GPC6: variants seen among roughly 807,000 people sequenced by gnomAD.
GPC6 encodes the protein glypican-6.
Under a neutral mutation model 55.2 loss-of-function variants are expected in GPC6, and 14 were observed. The ratio of observed to expected loss-of-function variants is 0.25; its 90% CI spans 0.17 to 0.40. GPC6 has a LOEUF of 0.40. GPC6 is among the 10% of genes least tolerant of loss of function. The pLI, the probability that GPC6 is intolerant of heterozygous loss-of-function variation, is 1.00. For missense variants in GPC6, 641 were observed against 708.5 expected (o/e 0.90, Z 1.08); for synonymous variants, 278 against 259.6 (o/e 1.07, Z -0.68).
intron 3 of GPC6, among the ~76,000 whole-genome samples, chr13:93,965,639 C>T (rs1050205481): frequency 3.9e-5 from 6 of 152,080 alleles, no homozygotes; most frequent in African/African-American, 1.4e-4. Context: ...ACTGAACTAG[C>T]CTGCTGGAGA....
intron 2 of GPC6, among the ~76,000 whole-genome samples, chr13:93,654,596 G>T (rs974655016): frequency 2.0e-5 from 3 of 152,070 alleles, no homozygotes; most frequent in African/African-American, 4.8e-5. Flanking sequence ...TCAAAGTGCT[G>T]GGATTACAAA....
At chr13:94,332,783 G>C in intron 6 of GPC6, among the ~76,000 whole-genome samples, 1 of 152,210 alleles carries the variant, frequency 6.6e-6, no homozygotes, top group Non-Finnish European at 1.5e-5. Context: ...TCACTGAATT[G>C]ACCAGTAATG....
chr13:93,635,898 C>T (rs143619768), intron 2 of GPC6, among the ~76,000 whole-genome samples: 1 of 152,206 alleles, frequency 6.6e-6, no homozygotes, highest in Admixed American at 6.6e-5. Flanking sequence ...AAAGAGGTTG[C>T]CCTTTCTCCA....
chr13:93,765,822 C>T (rs1885114709), intron 2 of GPC6, among the ~76,000 whole-genome samples: 1 of 152,180 alleles, frequency 6.6e-6, no homozygotes. Flanking sequence ...TGGGCCTGTG[C>T]CTCCAAGAAT....
At chr13:93,818,674 A>C (rs1270017331) in intron 2 of GPC6, 1 of 152,290 alleles carries the variant, frequency 6.6e-6, no homozygotes, top group East Asian at 1.9e-4. Context: ...AGAAAGGAAA[A>C]GATACCAGCA....
intron 3 of GPC6, among the ~76,000 whole-genome samples, chr13:93,967,336 C>A (rs1880094360): frequency 6.6e-6 from 1 of 152,064 alleles, no homozygotes; most frequent in Admixed American, 6.6e-5. Context: ...GTATTTGCCA[C>A]GATGTACAAA....
intron 4 of GPC6, among the ~76,000 whole-genome samples, chr13:94,131,589 C>T (rs965753925): frequency 6.6e-6 from 1 of 152,096 alleles, no homozygotes. Flanking sequence ...AATATGTAAT[C>T]TTAATGGGTC....
chr13:93,686,435 A>T (rs1040448973), intron 2 of GPC6, among the ~76,000 whole-genome samples: 6 of 152,088 alleles, frequency 3.9e-5, no homozygotes, highest in Admixed American at 3.9e-4. Flanking sequence ...AGTCTCTGTG[A>T]TCCCATTGGA....
intron 3 of GPC6, among the ~76,000 whole-genome samples, chr13:93,842,491 G>C (rs1887989434): frequency 6.6e-6 from 1 of 151,960 alleles, no homozygotes; most frequent in Non-Finnish European, 1.5e-5. Context: ...TTTTTTTTCA[G>C]TGTTAGTGTG....
At chr13:93,244,846 T>G (rs376643692) in intron 1 of GPC6, among the ~76,000 whole-genome samples, 2 of 152,194 alleles carry the variant, frequency 1.3e-5, no homozygotes, top group Non-Finnish European at 2.9e-5. Context: ...TAGATAAAAG[T>G]GCACAGCGTG....
intron 2 of GPC6, among the ~76,000 whole-genome samples, chr13:93,703,397 G>T (rs1475455058): frequency 6.6e-6 from 1 of 151,892 alleles, no homozygotes; most frequent in Middle Eastern, 3.2e-3. Context: ...TTGGAATATT[G>T]TAAGAATTAA....
intron 1 of GPC6, among the ~76,000 whole-genome samples, chr13:93,356,151 A>C (rs1280717105): frequency 6.6e-6 from 1 of 152,128 alleles, no homozygotes; most frequent in Non-Finnish European, 1.5e-5. Context: ...TACAGAAGGA[A>C]ATTTGGTCCT....
chr13:94,211,601 T>C (rs1399498744), intron 4 of GPC6, among the ~76,000 whole-genome samples: 1 of 152,252 alleles, frequency 6.6e-6, no homozygotes, highest in African/African-American at 2.4e-5. Flanking sequence ...TGATAGCACC[T>C]GTGCATGGAC....
chr13:94,382,585 A>T (rs1366787744), intron 7 of GPC6, 35 bp downstream of exon 7: 1 of 1,613,152 alleles, frequency 6.2e-7, no homozygotes, highest in East Asian at 2.2e-5. Flanking sequence ...GGATGGGGGC[A>T]CAGCACACCC....
chr13:93,577,280 G>A (rs1008380233), intron 2 of GPC6, among the ~76,000 whole-genome samples: 2 of 152,158 alleles, frequency 1.3e-5, no homozygotes, highest in African/African-American at 4.8e-5. Flanking sequence ...ACAAAGGGAA[G>A]TGTGGGTAAG....
At chr13:94,113,431 C>T (rs189049309) in intron 4 of GPC6, among the ~76,000 whole-genome samples, 17 of 152,198 alleles carry the variant, frequency 1.1e-4, no homozygotes, top group Middle Eastern at 3.4e-3. Flanking sequence ...TTACCCAGTA[C>T]TCCTATTTCC....
At chr13:93,605,614 A>G (rs1878204444) in intron 2 of GPC6, among the ~76,000 whole-genome samples, 1 of 151,878 alleles carries the variant, frequency 6.6e-6, no homozygotes, top group African/African-American at 2.4e-5. Context: ...AGGCAGGCAA[A>G]TCACCTAAGG....
intron 2 of GPC6, among the ~76,000 whole-genome samples, chr13:93,557,824 C>T (rs865953128): frequency 2.0e-5 from 3 of 152,246 alleles, no homozygotes; most frequent in Admixed American, 6.5e-5. Context: ...AATTACTAGC[C>T]ACATTCCCAA....
In GPC6 at chr13:94,389,378, T is replaced by G. The variant is rs77520095; in HGVS notation, c.1289+6828T>G. 5.8e-3 allele frequency among the ~76,000 whole-genome samples: 878 copies of G among 151,952 alleles called. 21 individuals carry two copies. In the East Asian group the frequency reaches 0.08, roughly 14 times the overall value. On this transcript the variant is annotated intron_variant, in intron 7 of 8. Transcript: ENST00000377047. ...TGTACAGAAGCTAGAAAAGAATGATTAGATAGGAGGCAGGAAAGCATAGGC... is the reference window on the plus strand; with the variant it reads ...TGTACAGAAGCTAGAAAAGAATGATGAGATAGGAGGCAGGAAAGCATAGGC...
Sources: allele counts gnomAD v4.1 joint callset (sites outside exome capture counted in the v4.1 genomes callset), GRCh38; gene constraint gnomAD v4.1.1; transcripts MANE v1.5; gene names NCBI Gene and HGNC (gene_info 2026-07-23, HGNC 2026-07-21).